Variants in HOPX observed in about 807,000 individuals in gnomAD.
HOPX encodes the protein homeodomain-only protein.
In HOPX, 5 loss-of-function variants were observed where a neutral mutation model predicts 11.8. The ratio of observed to expected loss-of-function variants is 0.43; its 90% CI spans 0.22 to 0.89. HOPX has a LOEUF of 0.89. Among genes scored for constraint, HOPX ranks in the 40% least tolerant of loss-of-function variants. HOPX has a pLI of 0.28. For synonymous variants in HOPX, 49 were observed against 49.7 expected, an observed-to-expected ratio of 0.99 and a Z score of 0.06; for missense variants, 119 against 120.0, an observed-to-expected ratio of 0.99 and a Z score of 0.04.
intron 1 of HOPX, among the ~76,000 whole-genome samples, chr4:56,675,903 T>C (rs1034700425): frequency 2.0e-5 from 3 of 151,900 alleles, no homozygotes; most frequent in Admixed American, 1.3e-4. Flanking sequence ...GGCAGGTTAC[T>C]GCTTTATAAA....
chr4:56,672,652 C>T (rs1718800737), intron 1 of HOPX: 1 of 151,870 alleles, frequency 6.6e-6, no homozygotes, highest in African/African-American at 2.4e-5. Flanking sequence ...GATGGAGTCT[C>T]ACCTGTCTAT....
chr4:56,675,619 A>G (rs1411074517), intron 1 of HOPX, among the ~76,000 whole-genome samples: 1 of 151,694 alleles, frequency 6.6e-6, no homozygotes, highest in Non-Finnish European at 1.5e-5. Context: ...CCAGCAAATA[A>G]AAAGGACAGC....
intron 2 of HOPX, chr4:56,656,229 G>T: frequency 8.7e-7 from 1 of 1,149,422 alleles, no homozygotes; most frequent in Non-Finnish European, 1.1e-6. Flanking sequence ...GCTGTTGCGG[G>T]CTGACGGCAG....
At chr4:56,666,421 G>A (rs914230949) in intron 1 of HOPX, among the ~76,000 whole-genome samples, 1 of 152,222 alleles carries the variant, frequency 6.6e-6, no homozygotes, top group African/African-American at 2.4e-5. Context: ...CAGACTTTCT[G>A]TAGCCGCTTA....
chr4:56,649,790 C>G (rs1716984893), intron 3 of HOPX: 1 of 152,270 alleles, frequency 6.6e-6, no homozygotes, highest in Non-Finnish European at 1.5e-5. Context: ...ACAGAGCTCC[C>G]CAAAGAGGAG....
intron 2 of HOPX, chr4:56,656,284 G>A: frequency 8.7e-7 from 1 of 1,154,508 alleles, no homozygotes; most frequent in Non-Finnish European, 1.1e-6. Context: ...ACCCCTTGCA[G>A]GAACTGTATC....
chr4:56,650,818 T>C, intron 3 of HOPX: 2 of 1,540,642 alleles, frequency 1.3e-6, no homozygotes, highest in Non-Finnish European at 1.8e-6. Flanking sequence ...CTACCCTTCA[T>C]GAGAAGAGAG....
intron 1 of HOPX, chr4:56,679,322 C>T (rs1304992703): frequency 2.6e-5 from 4 of 152,110 alleles, no homozygotes; most frequent in African/African-American, 9.7e-5. Flanking sequence ...GTTTAAAGTA[C>T]ACAATTTGAT....
At chr4:56,648,888 G>T in intron 3 of HOPX, 91 bp from the exon 4 acceptor site, 1 of 944,594 alleles carries the variant, frequency 1.1e-6, no homozygotes, top group South Asian at 1.5e-5. Flanking sequence ...TGTGGCACAA[G>T]TGGAAAGGAG....
upstream of HOPX, chr4:56,681,309 TGCC>T: frequency 1.0e-6 from 1 of 985,462 alleles, no homozygotes; most frequent in Non-Finnish European, 1.2e-6. Context: ...TGTTTGCTGA[TGCC>T]AGCCTGCTTA....
At chr4:56,650,682 C>T (rs776207816) in intron 3 of HOPX, 3 of 1,551,696 alleles carry the variant, frequency 1.9e-6, no homozygotes, top group South Asian at 2.4e-5. Flanking sequence ...ATCTTACATA[C>T]CTTTACACTG....
chr4:56,668,712 G>GA (rs1718571130), intron 1 of HOPX, among the ~76,000 whole-genome samples: 1 of 152,148 alleles, frequency 6.6e-6, no homozygotes, highest in Non-Finnish European at 1.5e-5. Flanking sequence ...GTTGCAGAGG[G>GA]AATGTTTGTG....
intron 2 of HOPX, chr4:56,656,487 GGCCTCC>G: frequency 1.1e-5 from 3 of 276,938 alleles, no homozygotes; most frequent in Non-Finnish European, 1.3e-5. Flanking sequence ...GCGACTAGCC[GGCCTCC>G]GGCCTCCCCG....
At chr4:56,653,388 T>G (rs1174226621) in intron 3 of HOPX, among the ~76,000 whole-genome samples, 1 of 152,084 alleles carries the variant, frequency 6.6e-6, no homozygotes, top group Non-Finnish European at 1.5e-5. Context: ...AGATACTCTT[T>G]AAAAATATAA....
chr4:56,650,740 C>T (rs1257089974), intron 3 of HOPX: 2 of 1,551,496 alleles, frequency 1.3e-6, no homozygotes, highest in East Asian at 4.9e-5. Flanking sequence ...GGCAGACTAT[C>T]ATGGGGGTAG....
At chr4:56,678,601 A>T (rs1315808936) in intron 1 of HOPX, among the ~76,000 whole-genome samples, 1 of 151,674 alleles carries the variant, frequency 6.6e-6, no homozygotes, top group Admixed American at 6.6e-5. Flanking sequence ...GCTCACCACA[A>T]TGCCCAGAAT....
intron 1 of HOPX, 80 bp downstream of exon 1, chr4:56,681,175 C>T (rs1261731055): frequency 5.2e-6 from 5 of 965,436 alleles, no homozygotes; most frequent in African/African-American, 1.8e-5. Context: ...TGAGCAAATA[C>T]GGTAACGATA....
At chr4:56,656,172 G>A in intron 2 of HOPX, 160 bp from the exon 3 acceptor site, 1 of 1,122,224 alleles carries the variant, frequency 8.9e-7, no homozygotes, top group Non-Finnish European at 1.1e-6. Flanking sequence ...ACGCTGAGCG[G>A]GGGCTTACGG....
rs1428512672 is a variant in HOPX at position 56,681,252 on chromosome 4, T to TA, written c.-84+2dup. The TA allele has an allele frequency of 1.1e-5, 11 of 985,388 alleles. No homozygotes were observed. Among genetic ancestry groups the TA allele is most frequent in the Non-Finnish European group, 1.3e-5 (11 of 829,914 alleles). The allele number at this position is 985,388 out of a possible 1,614,324, so 61.0% of individuals were successfully genotyped here. A position where few individuals can be genotyped will look rare whatever the true frequency, so the allele number is the denominator to read the frequency against. On this transcript the variant is annotated splice_region_variant and intron_variant, in intron 1 of 3. Transcript: ENST00000420433. ...AAAAGGCAGACCTTTGAAAGGTACT[T>TA]ACGTGGAAGAGGCAAAGGCAAGCGC... is the stretch of plus-strand genomic sequence containing the variant.
Sources: allele counts gnomAD v4.1 joint callset (sites outside exome capture counted in the v4.1 genomes callset), GRCh38; gene constraint gnomAD v4.1.1; transcripts MANE v1.5; gene names NCBI Gene and HGNC (gene_info 2026-07-23, HGNC 2026-07-21).